PTPRT: variants seen among roughly 807,000 people sequenced by gnomAD.
PTPRT encodes the protein protein tyrosine phosphatase receptor type T.
In PTPRT, 56 loss-of-function variants were observed where a neutral mutation model predicts 176.8. That is an observed-to-expected ratio of 0.32 (90% CI 0.26 to 0.40). The LOEUF (loss-of-function observed/expected upper bound fraction) is 0.40, where lower values mean the gene tolerates loss of function less well. Ranked by LOEUF, PTPRT falls within the 10% of genes least tolerant of loss-of-function variation. The probability of loss-of-function intolerance (pLI) is 1.00; values close to 1 mark genes in which losing one functional copy is unlikely to be tolerated. For missense variants in PTPRT, 1,540 were observed against 1,908.2 expected (o/e 0.81, Z 3.60); for synonymous variants, 783 against 739.0 (o/e 1.06, Z -0.96).
At chr20:42,653,210 C>A (rs1312148323) in intron 7 of PTPRT, among the ~76,000 whole-genome samples, 1 of 152,130 alleles carries the variant, frequency 6.6e-6, no homozygotes, top group Non-Finnish European at 1.5e-5. Flanking sequence ...CCCCCACTTG[C>A]CCTACACTTC....
At chr20:42,292,135 T>C (rs2057326160) in intron 12 of PTPRT, among the ~76,000 whole-genome samples, 1 of 151,974 alleles carries the variant, frequency 6.6e-6, no homozygotes, top group Non-Finnish European at 1.5e-5. Context: ...ACCTCACGCA[T>C]ACGGATCAGC....
At chr20:42,254,217 T>A (rs2056597704) in intron 13 of PTPRT, among the ~76,000 whole-genome samples, 1 of 152,160 alleles carries the variant, frequency 6.6e-6, no homozygotes, top group Non-Finnish European at 1.5e-5. Flanking sequence ...CTCTGGTGAG[T>A]CCTGTCCAGC....
chr20:42,656,776 A>T (rs1480383224), intron 7 of PTPRT, among the ~76,000 whole-genome samples: 3 of 152,214 alleles, frequency 2.0e-5, no homozygotes, highest in Non-Finnish European at 4.4e-5. Context: ...TTAGGATGAA[A>T]TCAATTGTAC....
At chr20:42,604,598 G>A (rs960180909) in intron 7 of PTPRT, among the ~76,000 whole-genome samples, 1 of 152,096 alleles carries the variant, frequency 6.6e-6, no homozygotes, top group Non-Finnish European at 1.5e-5. Context: ...CTAGGAAGAG[G>A]TTCTCTCATT....
At chr20:42,776,464 G>A (rs902515360) in intron 4 of PTPRT, among the ~76,000 whole-genome samples, 1 of 152,116 alleles carries the variant, frequency 6.6e-6, no homozygotes, top group Non-Finnish European at 1.5e-5. Flanking sequence ...CCAAAGGATT[G>A]TAAGTACAGA....
At chr20:42,902,318 G>A (rs1164877388) in intron 1 of PTPRT, among the ~76,000 whole-genome samples, 1 of 152,122 alleles carries the variant, frequency 6.6e-6, no homozygotes, top group East Asian at 1.9e-4. Flanking sequence ...CTGTCCTGAT[G>A]GCTCAAGGTC....
At chr20:42,425,449 A>C (rs1207780348) in intron 9 of PTPRT, among the ~76,000 whole-genome samples, 5 of 152,198 alleles carry the variant, frequency 3.3e-5, no homozygotes, top group Admixed American at 2.6e-4. Context: ...CACTCATCAT[A>C]ATGTCCTCCA....
chr20:42,247,829 G>C (rs917232700), intron 14 of PTPRT, among the ~76,000 whole-genome samples: 2 of 152,108 alleles, frequency 1.3e-5, no homozygotes, highest in African/African-American at 4.8e-5. Flanking sequence ...CTAAGGAGAG[G>C]GGCGAGTAAG....
chr20:42,282,724 G>C lies in PTPRT; in HGVS notation c.2140-199C>G, dbSNP rs1393398381. ...ATTTTTTAATTTTTTTCTCAGGCTA[G>C]GTACATATGTTATTCAGTTCACTTC... On this transcript the variant is annotated intron_variant, in intron 12 of 30. Transcript: ENST00000373187. 3.9e-5 allele frequency among the ~76,000 whole-genome samples: 6 copies of C among 151,926 alleles called. No homozygotes were observed. In the East Asian group the frequency reaches 1.2e-3, roughly 29 times the overall value.
At chr20:42,363,500 G>A (rs888646079) in intron 9 of PTPRT, among the ~76,000 whole-genome samples, 2 of 150,740 alleles carry the variant, frequency 1.3e-5, no homozygotes, top group African/African-American at 2.4e-5. Flanking sequence ...AGTAGAGACG[G>A]GGTTTCTCCA....
chr20:42,287,716 G>T (rs990648381), intron 12 of PTPRT, among the ~76,000 whole-genome samples: 19 of 151,942 alleles, frequency 1.3e-4, no homozygotes, highest in Admixed American at 9.9e-4. Flanking sequence ...CTAGACAGAG[G>T]ATACTGAATG....
chr20:42,508,935 T>G (rs893270338), intron 7 of PTPRT, among the ~76,000 whole-genome samples: 1 of 143,606 alleles, frequency 7.0e-6, no homozygotes, highest in Non-Finnish European at 1.5e-5. Context: ...ATAATATAAT[T>G]TATAAATATA....
At chr20:42,920,008 C>G (rs114991415) in intron 1 of PTPRT, among the ~76,000 whole-genome samples, 1 of 152,232 alleles carries the variant, frequency 6.6e-6, no homozygotes, top group Non-Finnish European at 1.5e-5. Context: ...ATCATCACAT[C>G]AAAGCGGGGT....
intron 6 of PTPRT, among the ~76,000 whole-genome samples, chr20:42,718,152 C>T (rs1233732788): frequency 6.6e-6 from 1 of 152,242 alleles, no homozygotes; most frequent in East Asian, 1.9e-4. Flanking sequence ...TCACGTGGTT[C>T]ATTATGTCTA....
chr20:42,126,013 G>T (rs879035268), intron 19 of PTPRT, among the ~76,000 whole-genome samples: 3 of 149,698 alleles, frequency 2.0e-5, no homozygotes, highest in Admixed American at 2.0e-4. Context: ...GCTACAAGGC[G>T]GTGTCTGGGA....
chr20:42,519,739 C>T (rs773967075), intron 7 of PTPRT, among the ~76,000 whole-genome samples: 9 of 151,978 alleles, frequency 5.9e-5, no homozygotes, highest in Non-Finnish European at 7.4e-5. Context: ...TGTATTCTGA[C>T]GTCCAAACAT....
chr20:42,959,557 A>T (rs1981869048), intron 1 of PTPRT, among the ~76,000 whole-genome samples: 1 of 152,180 alleles, frequency 6.6e-6, no homozygotes, highest in Non-Finnish European at 1.5e-5. Context: ...ATTCAGAGAG[A>T]TGCTGTGACT....
intron 7 of PTPRT, among the ~76,000 whole-genome samples, chr20:42,606,290 G>A (rs569309415): frequency 4.6e-5 from 7 of 152,134 alleles, no homozygotes; most frequent in Non-Finnish European, 1.0e-4. Flanking sequence ...ACCTACCAAG[G>A]CTGATGTGGT....
In PTPRT at chr20:42,885,833, G is replaced by C; in HGVS notation, c.188C>G (p.Pro63Arg). ...TWEQINTWEK[P>R]MLDQAVPTGS... The stretch of plus-strand genomic sequence containing the variant: ...TGTGGGCACTGCCTGGTCCAGCATT[G>C]GTTTCTCCCATGTGTTAATCTGCTC... The change falls in exon 2 of 31, where the codon CCA becomes CGA. Residue 63 changes from proline (P) to arginine (R), a missense_variant. Transcript: ENST00000373187. 1 of 1,609,110 alleles carries C rather than the reference G, an allele frequency of 6.2e-7. No individual in the cohort carries two copies.
Sources: allele counts gnomAD v4.1 joint callset (sites outside exome capture counted in the v4.1 genomes callset), GRCh38; gene constraint gnomAD v4.1.1; transcripts MANE v1.5; gene names NCBI Gene and HGNC (gene_info 2026-07-23, HGNC 2026-07-21).